The following PPP1R9A variants were observed in gnomAD, a reference collection of about 807,000 sequenced individuals.
The protein encoded by PPP1R9A is neurabin-1.
PPP1R9A carries 59 observed loss-of-function variants against 141.9 expected under a neutral mutation model. The observed-to-expected ratio is 0.42, with a 90% CI of 0.34 to 0.52. The LOEUF (loss-of-function observed/expected upper bound fraction) is 0.52. Ranked by LOEUF, PPP1R9A falls within the 20% of genes least tolerant of loss-of-function variation. The pLI, the probability that PPP1R9A is intolerant of heterozygous loss-of-function variation, is 0.10. For synonymous variants in PPP1R9A, 500 were observed against 569.7 expected (o/e 0.88, Z 1.74); for missense variants, 1,444 against 1,611.9 (o/e 0.90, Z 1.78).
intron 5 of PPP1R9A, among the ~76,000 whole-genome samples, chr7:95,165,450 C>G (rs1831095346): frequency 6.6e-6 from 1 of 152,112 alleles, no homozygotes; most frequent in East Asian, 1.9e-4. Flanking sequence ...TGGGGAGGCA[C>G]CTTTGAAGAT....
At chr7:95,101,858 A>G (rs1308238543) in intron 2 of PPP1R9A, among the ~76,000 whole-genome samples, 3 of 152,124 alleles carry the variant, frequency 2.0e-5, no homozygotes, top group African/African-American at 7.2e-5. Context: ...ACATGTATTA[A>G]TCTTTACATT....
intron 12 of PPP1R9A, among the ~76,000 whole-genome samples, chr7:95,260,485 C>T (rs1800262638): frequency 6.6e-6 from 1 of 152,056 alleles, no homozygotes; most frequent in South Asian, 2.1e-4. Flanking sequence ...TCAAGACCAG[C>T]CTGGCCAACA....
chr7:95,242,372 A>G (rs1374929099), intron 8 of PPP1R9A, among the ~76,000 whole-genome samples: 1 of 152,152 alleles, frequency 6.6e-6, no homozygotes, highest in Non-Finnish European at 1.5e-5. Context: ...ATCTGATTGT[A>G]ATATTTCTAG....
intron 2 of PPP1R9A, among the ~76,000 whole-genome samples, chr7:94,992,549 T>C (rs920879001): frequency 6.6e-6 from 1 of 152,192 alleles, no homozygotes; most frequent in African/African-American, 2.4e-5. Flanking sequence ...TGCCAAACTG[T>C]TTTTCAAAGT....
intron 2 of PPP1R9A, among the ~76,000 whole-genome samples, chr7:94,957,794 T>C (rs1255529709): frequency 1.3e-5 from 2 of 152,090 alleles, no homozygotes; most frequent in South Asian, 4.1e-4. Context: ...CACACTTCTT[T>C]TTGTAGGAAC....
At chr7:95,169,162 AT>A (rs540930963) in intron 5 of PPP1R9A, among the ~76,000 whole-genome samples, 7 of 152,080 alleles carry the variant, frequency 4.6e-5, no homozygotes, top group East Asian at 1.9e-4. Context: ...GGATGAATGG[AT>A]TTTTTTAAGT....
intron 12 of PPP1R9A, among the ~76,000 whole-genome samples, chr7:95,258,063 C>G (rs1799867479): frequency 6.6e-6 from 1 of 151,976 alleles, no homozygotes; most frequent in Non-Finnish European, 1.5e-5. Flanking sequence ...AATGGTATTT[C>G]TAGTTCTAGA....
chr7:95,197,522 T>C (rs1836457651), intron 5 of PPP1R9A, among the ~76,000 whole-genome samples: 2 of 152,196 alleles, frequency 1.3e-5, no homozygotes, highest in African/African-American at 4.8e-5. Flanking sequence ...AGGAAGTGAA[T>C]TAATTCACTA....
At chr7:95,110,732 G>A (rs1449351569) in intron 2 of PPP1R9A, among the ~76,000 whole-genome samples, 2 of 152,190 alleles carry the variant, frequency 1.3e-5, no homozygotes, top group African/African-American at 4.8e-5. Flanking sequence ...CAATTTAAAT[G>A]TATATGCAAG....
At chr7:95,165,682 C>G (rs184802876) in intron 5 of PPP1R9A, among the ~76,000 whole-genome samples, 38 of 152,184 alleles carry the variant, frequency 2.5e-4, no homozygotes, top group Admixed American at 1.4e-3. Flanking sequence ...TCCAGTTTAA[C>G]AAAAACTGAA....
Position 95,269,412 on chromosome 7 carries a change from ACACTT to A in PPP1R9A, c.3034_3038del (p.Ser1012ValfsTer7). The A allele has an allele frequency of 6.3e-7, 1 of 1,596,166 alleles. No homozygotes were observed. The highest frequency in any genetic ancestry group is 8.5e-7 in the Non-Finnish European group (1 of 1,177,098). On this transcript the variant is annotated frameshift_variant, in exon 14 of 20. Transcript: ENST00000433360. LOFTEE classifies it high-confidence loss of function. ...GGGCCTCTCTCCTCTATGTGGGGAG[ACACTT>A]CACTGTTTTCTACTTCAAAGTCTGA... is the stretch of plus-strand genomic sequence containing the variant.
intron 2 of PPP1R9A, among the ~76,000 whole-genome samples, chr7:95,018,722 A>G (rs533928553): frequency 3.9e-5 from 6 of 152,298 alleles, no homozygotes; most frequent in African/African-American, 1.4e-4. Context: ...GCCAGCCTTC[A>G]TCTGACCTTG....
In PPP1R9A at chr7:94,911,410, T is replaced by A. The variant is rs1391526000; in HGVS notation, c.1297T>A (p.Tyr433Asn). 1 of 1,613,952 alleles carries A rather than the reference T, an allele frequency of 6.2e-7. No homozygotes were observed. Among genetic ancestry groups the A allele is most frequent in the Non-Finnish European group, 8.5e-7 (1 of 1,179,820 alleles). The change falls in exon 2 of 20, where the codon TAT becomes AAT. Residue 433 changes from tyrosine to asparagine, a missense_variant. Around this residue, in one of 5 missense-constraint regions of PPP1R9A, gnomAD observed 490 missense variants for 521.1 expected, o/e 0.94. Transcript: ENST00000433360. ...EEEDSDENSY[Y>N]QPDMEYSEIV... ...GGAAGATAGTGATGAGAACAGTTACTATCAGCCTGATATGGAGTACTCGGA... is the reference window on the plus strand; with the variant it reads ...GGAAGATAGTGATGAGAACAGTTACAATCAGCCTGATATGGAGTACTCGGA...
intron 2 of PPP1R9A, among the ~76,000 whole-genome samples, chr7:94,994,068 C>T (rs547146319): frequency 6.6e-6 from 1 of 152,162 alleles, no homozygotes; most frequent in Non-Finnish European, 1.5e-5. Context: ...GAAGTTTTAT[C>T]TGACACAAGA....
intron 2 of PPP1R9A, among the ~76,000 whole-genome samples, chr7:94,965,081 A>G (rs1798055570): frequency 6.6e-6 from 1 of 151,582 alleles, no homozygotes; most frequent in South Asian, 2.1e-4. Context: ...AGCAGTGATG[A>G]TGAGCTTATG....
At chr7:95,151,652 G>GTTT (rs530076715) in intron 4 of PPP1R9A, among the ~76,000 whole-genome samples, 1 of 144,890 alleles carries the variant, frequency 6.9e-6, no homozygotes. Context: ...GTCTTTAAAG[G>GTTT]TTTTTTTTTT....
intron 8 of PPP1R9A, among the ~76,000 whole-genome samples, chr7:95,245,610 G>C (rs1424555755): frequency 1.3e-5 from 2 of 152,114 alleles, no homozygotes; most frequent in South Asian, 2.1e-4. Context: ...CATCAGTGAA[G>C]GGGTAGGAAT....
intron 2 of PPP1R9A, among the ~76,000 whole-genome samples, chr7:94,914,881 T>C (rs1562985577): frequency 6.6e-6 from 1 of 152,124 alleles, no homozygotes; most frequent in Non-Finnish European, 1.5e-5. Flanking sequence ...GTACAGCCCA[T>C]TAAGGAAGCT....
chr7:95,173,822 C>T (rs903214422), intron 5 of PPP1R9A, among the ~76,000 whole-genome samples: 1 of 151,986 alleles, frequency 6.6e-6, no homozygotes, highest in African/African-American at 2.4e-5. Context: ...CAATGAGGTT[C>T]TACTGTACAC....
Sources: gnomAD v4.1 joint callset for allele counts (sites outside exome capture counted in the v4.1 genomes callset) on GRCh38, gnomAD v4.1.1 for gene constraint, gnomAD v4.1.1 regional missense constraint, MANE v1.5 for transcripts, NCBI Gene and HGNC (gene_info 2026-07-23, HGNC 2026-07-21) for gene names.